Variants in SAMD9L observed in about 807,000 individuals in gnomAD.
The protein encoded by SAMD9L is sterile alpha motif domain containing 9 like, also known as sterile alpha motif domain-containing protein 9-like.
A neutral mutation model predicts 90.7 loss-of-function variants in SAMD9L; 68 were observed. That is an observed-to-expected ratio of 0.75 (90% CI 0.62 to 0.92). The LOEUF (loss-of-function observed/expected upper bound fraction) is 0.92. Among genes scored for constraint, SAMD9L ranks in the 40% least tolerant of loss-of-function variants. The pLI is 0.00. For synonymous variants in SAMD9L, 640 were observed against 630.1 expected, an observed-to-expected ratio of 1.02 and a Z score of -0.23; for missense variants, 1,604 against 1,824.3, an observed-to-expected ratio of 0.88 and a Z score of 2.20.
At position 93,144,743 on chromosome 7, in the gene SAMD9L, C is replaced by T. The variant is rs1792826677; in HGVS notation, c.-32G>A. On this transcript the variant is annotated 5_prime_UTR_variant, in exon 4 of 5. Coordinates refer to ENST00000318238, the MANE Select transcript of SAMD9L (RefSeq NM_152703.5). ...CTGGGCTCACTCACCTCACTGGGCT[C>T]ACTCACTCACTTTCCGTGCCTCCGG... The T allele has an allele frequency of 6.6e-6, 1 of 152,274 alleles. No individual in the cohort carries two copies. Among genetic ancestry groups the T allele is most frequent in the African/African-American group, 2.4e-5 (1 of 41,460 alleles). The allele number at this position is 152,274 out of a possible 1,614,324, so 9.4% of individuals were successfully genotyped here. A position where few individuals can be genotyped will look rare whatever the true frequency, so the allele number is the denominator to read the frequency against.
rs1470827818 is a variant in SAMD9L, at chr7:93,132,793, T to C, written c.3179A>G (p.Glu1060Gly). ...TTCAATGTCTTTATTCTGTAAAGCT[T>C]CCATTAATGGGGAAAACAGAGTGTC... ...ETDTLFSPLM[E>G]ALQNKDIEKV... The change falls in exon 5 of 5, where the codon GAA becomes GGA. Residue 1060 changes from glutamate (E) to glycine (G), a missense_variant. Transcript: ENST00000318238. 1 of 1,613,780 alleles carries C rather than the reference T, an allele frequency of 6.2e-7. No individual in the cohort carries two copies. The highest frequency in any genetic ancestry group is 8.5e-7 in the Non-Finnish European group (1 of 1,179,794).
At chr7:93,136,048 A>T in intron 4 of SAMD9L, 57 bp from the exon 5 acceptor site, 1 of 1,126,972 alleles carries the variant, frequency 8.9e-7, no homozygotes, top group Non-Finnish European at 1.2e-6. Context: ...TTAAAATCAC[A>T]TAGACAATTA....
chr7:93,146,213 C>T (rs1399826435), intron 2 of SAMD9L, among the ~76,000 whole-genome samples, 173 bp from the exon 3 acceptor site: 1 of 152,180 alleles, frequency 6.6e-6, no homozygotes, highest in Non-Finnish European at 1.5e-5. Flanking sequence ...CTGAAGGAAG[C>T]ACCTGCCCCT....
intron 4 of SAMD9L, among the ~76,000 whole-genome samples, chr7:93,138,071 TACTC>T (rs774294445): frequency 2.0e-5 from 3 of 152,160 alleles, no homozygotes; most frequent in Non-Finnish European, 4.4e-5. Context: ...TTCTCTTACT[TACTC>T]TGGCTTCAGT....
chr7:93,144,245 C>A (rs1293937520), intron 4 of SAMD9L, among the ~76,000 whole-genome samples: 1 of 152,124 alleles, frequency 6.6e-6, no homozygotes, highest in Non-Finnish European at 1.5e-5. Flanking sequence ...AATTTTGAAA[C>A]ACAGAGTTCT....
In SAMD9L at chr7:93,131,851, T is replaced by C. The variant is rs753908548; in HGVS notation, c.4121A>G (p.Lys1374Arg). 2 of 1,612,120 alleles carry C rather than the reference T, an allele frequency of 1.2e-6. No homozygotes were observed. ...YAFLLQQNSK[K>R]PMTNEKQNSI... ...ATTTTGTTTCTCATTTGTCATGGGC[T>C]TTTTTGAGTTTTGCTGCAGTAGGAA... The change falls in exon 5 of 5, where the codon AAG becomes AGG. Residue 1374 changes from lysine to arginine, a missense_variant. Around this residue, in one of 7 missense-constraint regions of SAMD9L, gnomAD observed 282 missense variants for 329.6 expected, o/e 0.86. Transcript: ENST00000318238.
intron 3 of SAMD9L, 80 bp downstream of exon 3, chr7:93,145,305 T>C (rs1340593572): frequency 2.6e-5 from 4 of 152,222 alleles, no homozygotes; most frequent in Non-Finnish European, 5.9e-5. Flanking sequence ...CAAAGTTCTG[T>C]TTTACTTTTT....
chr7:93,140,260 T>C lies in SAMD9L; in HGVS notation c.-20-4269A>G, dbSNP rs1246629446. Among the ~76,000 whole-genome samples the C allele has an allele frequency of 6.2e-5, 9 of 146,300 alleles. No homozygotes were observed. The Admixed American group carries it at 6.2e-4, about 10-fold the overall frequency. On this transcript the variant is annotated intron_variant, in intron 4 of 4. Transcript: ENST00000318238. ...GAACAATGGCCCTTCATACTCTGAC[T>C]GGAGCATGCTGGACAATGGCCCTCC...
Position 93,132,666 on chromosome 7 carries a change from A to G in SAMD9L, c.3306T>C (p.Ala1102=), listed in dbSNP as rs1792182480. The change falls in exon 5 of 5, where the codon GCT becomes GCC. Residue 1102 remains alanine (A), a synonymous_variant. Transcript: ENST00000318238. ...TTTTGGCCTGACGTGCCCAGTCCAG[A>G]GCTGTGTTAAAGTCCTTCTCTTTAA... ...FYIKEKDFNT[A]LDWARQAKMK... 1 of 1,613,864 alleles carries G rather than the reference A, an allele frequency of 6.2e-7. No individual in the cohort carries two copies. The highest frequency in any genetic ancestry group is 1.3e-5 in the African/African-American group (1 of 75,010).
rs766185585 is a variant in SAMD9L at position 93,135,186 on chromosome 7, G to A, written c.786C>T (p.Asp262=). The A allele has an allele frequency of 6.2e-7, 1 of 1,613,694 alleles. No individual in the cohort carries two copies. Among genetic ancestry groups the A allele is most frequent in the African/African-American group, 1.3e-5 (1 of 75,028 alleles). ...VKITSKAAFI[D]HFNVMIKKYF... is the part of the protein sequence containing the mutation. ...ACTTTTTGATCATTACATTGAAGTGGTCAATGAAGGCAGCCTTACTGGTGA... is the reference window on the plus strand; with the variant it reads ...ACTTTTTGATCATTACATTGAAGTGATCAATGAAGGCAGCCTTACTGGTGA... The change falls in exon 5 of 5, where the codon GAC becomes GAT. Residue 262 remains aspartate (D), a synonymous_variant. Coordinates refer to ENST00000318238, the MANE Select transcript of SAMD9L (RefSeq NM_152703.5).
At position 93,134,977 on chromosome 7, in the gene SAMD9L, A is replaced by C; in HGVS notation, c.995T>G (p.Ile332Arg). 1 of 1,613,424 alleles carries C rather than the reference A, an allele frequency of 6.2e-7. No individual in the cohort carries two copies. The highest frequency in any genetic ancestry group is 1.1e-5 in the South Asian group (1 of 91,066). Reference sequence around the variant, plus strand: ...TGAAAGATTTTGGTTTTGTTTCCATATTTTATCTTTACAAATTTGCATCTG... The same window carrying C: ...TGAAAGATTTTGGTTTTGTTTCCATCTTTTATCTTTACAAATTTGCATCTG... ...YIQMQICKDK[I>R]WKQNQNLSLF... The change falls in exon 5 of 5, where the codon ATA (isoleucine) becomes AGA (arginine). Residue 332 changes from isoleucine to arginine, a missense_variant. By Grantham distance (97) the Ile-to-Arg change is moderately conservative (BLOSUM62 -3). Around this residue, in one of 7 missense-constraint regions of SAMD9L, gnomAD observed 374 missense variants for 363.6 expected, o/e 1.03. Transcript: ENST00000318238.
At position 93,131,703 on chromosome 7, in the gene SAMD9L, A is replaced by T. The variant is rs2116471707; in HGVS notation, c.4269T>A (p.Tyr1423Ter). ...VLQFVGLSHQ[Y>*]PGPYFLACLL... ...GGCAGGCCAAGAAATAAGGACCTGG[A>T]TATTGATGACTTAGTCCTACAAATT... Residue 1423 changes from tyrosine to a stop codon, truncating the protein, a stop_gained, in exon 5 of 5, where the codon TAT becomes TAA. Coordinates refer to ENST00000318238, the MANE Select transcript of SAMD9L (RefSeq NM_152703.5). LOFTEE classifies it high-confidence loss of function. 6.2e-7 allele frequency: 1 copy of T among 1,613,920 alleles called. No individual in the cohort carries two copies. The highest frequency in any genetic ancestry group is 2.2e-5 in the East Asian group (1 of 44,882).
Position 93,132,450 on chromosome 7 carries a change from GT to G in SAMD9L, c.3521del (p.Asn1174ThrfsTer28), listed in dbSNP as rs1197717436. The part of the protein sequence containing the change: ...KESQRQTDSK[N>X]YETENWSPQK... Reference sequence around the variant, plus strand: ...GTGGTGACCAGTTCTCGGTTTCATAGTTTTTACTATCAGTTTGCCTTTGGGA... The same window carrying G: ...GTGGTGACCAGTTCTCGGTTTCATAGTTTTACTATCAGTTTGCCTTTGGGA... On this transcript the variant is annotated frameshift_variant, in exon 5 of 5. Coordinates refer to ENST00000318238, the MANE Select transcript of SAMD9L (RefSeq NM_152703.5). LOFTEE classifies it high-confidence loss of function. The G allele has an allele frequency of 2.5e-6, 4 of 1,613,498 alleles. No homozygotes were observed. Among genetic ancestry groups the G allele is most frequent in the Non-Finnish European group, 3.4e-6 (4 of 1,179,808 alleles).
rs1393339570 is a variant in SAMD9L, at chr7:93,131,266, A to G, written c.4706T>C (p.Leu1569Pro). ...GRNIERVSFY[L>P]GFSIEGPLAY... ...CAGAGGGCCTTCAATGGAAAATCCTAGGTAGAAAGACACTCTTTCTATGTT... is the reference window on the plus strand; with the variant it reads ...CAGAGGGCCTTCAATGGAAAATCCTGGGTAGAAAGACACTCTTTCTATGTT... The change falls in exon 5 of 5, where the codon CTA (leucine) becomes CCA (proline). Residue 1569 changes from leucine (L) to proline (P), a missense_variant. Leu to Pro is a moderately conservative substitution (Grantham distance 98). Coordinates refer to ENST00000318238, the MANE Select transcript of SAMD9L (RefSeq NM_152703.5). 1 of 1,597,810 alleles carries G rather than the reference A, an allele frequency of 6.3e-7. No individual in the cohort carries two copies. The highest frequency in any genetic ancestry group is 8.5e-7 in the Non-Finnish European group (1 of 1,174,194).
At chr7:93,143,306 C>T (rs1367096059) in intron 4 of SAMD9L, among the ~76,000 whole-genome samples, 1 of 152,088 alleles carries the variant, frequency 6.6e-6, no homozygotes, top group African/African-American at 2.4e-5. Flanking sequence ...GCCCTCCACA[C>T]CCTGACTGGA....
In SAMD9L at chr7:93,131,951, C is replaced by G. The variant is rs777193115; in HGVS notation, c.4021G>C (p.Ala1341Pro). The G allele has an allele frequency of 1.9e-6, 3 of 1,612,776 alleles. No homozygotes were observed. Among genetic ancestry groups the G allele is most frequent in the Non-Finnish European group, 2.5e-6 (3 of 1,179,678 alleles). ...GGATTAAGATATTCCAAGAGTCCAG[C>G]AAACCTATCTGCTCTCAGAGCTTCT... ...KLEALRADRF[A>P]GLLEYLNPNY... The change falls in exon 5 of 5, where the codon GCT becomes CCT. Residue 1341 changes from alanine (A) to proline (P), a missense_variant. Physicochemically the swap from Ala to Pro is conservative, Grantham distance 27. Around this residue, in one of 7 missense-constraint regions of SAMD9L, gnomAD observed 282 missense variants for 329.6 expected, o/e 0.86. Coordinates refer to ENST00000318238, the MANE Select transcript of SAMD9L (RefSeq NM_152703.5).
chr7:93,132,344 T>C lies in SAMD9L; in HGVS notation c.3628A>G (p.Ile1210Val). Residue 1210 changes from isoleucine to valine, a missense_variant, in exon 5 of 5, where the codon ATT becomes GTT. Physicochemically the swap from Ile to Val is conservative, Grantham distance 29. Coordinates refer to ENST00000318238, the MANE Select transcript of SAMD9L (RefSeq NM_152703.5). ...EIEVGLYTIQ[I>V]LQLTPFFHKE... is the part of the protein sequence containing the mutation. Reference sequence around the variant, plus strand: ...TGGAAAAAGGGAGTGAGCTGAAGAATCTGGATAGTGTAAAGACCAACTTCT... The same window carrying C: ...TGGAAAAAGGGAGTGAGCTGAAGAACCTGGATAGTGTAAAGACCAACTTCT... 1 of 1,613,910 alleles carries C rather than the reference T, an allele frequency of 6.2e-7. No individual in the cohort carries two copies. Among genetic ancestry groups the C allele is most frequent in the African/African-American group, 1.3e-5 (1 of 75,030 alleles).
At chr7:93,138,673 G>A (rs988498756) in intron 4 of SAMD9L, among the ~76,000 whole-genome samples, 4 of 152,186 alleles carry the variant, frequency 2.6e-5, no homozygotes, top group South Asian at 4.1e-4. Context: ...GGCCCCTTTA[G>A]TGGGTCTAAG....
Position 93,135,067 on chromosome 7 carries a change from C to G in SAMD9L, c.905G>C (p.Arg302Thr), listed in dbSNP as rs768125500. 2 of 1,613,136 alleles carry G rather than the reference C, an allele frequency of 1.2e-6. No individual in the cohort carries two copies. The highest frequency in any genetic ancestry group is 1.7e-6 in the Non-Finnish European group (2 of 1,179,672). ...AATAGTATCAACTTCAATGACAAAT[C>G]TGTCAGATGGTGTATTGTTCTGCAG... ...VLLQNNTPSD[R>T]FVIEVDTIPK... The change falls in exon 5 of 5, where the codon AGA becomes ACA. Residue 302 changes from arginine (R) to threonine (T), a missense_variant. Arg to Thr is a moderately conservative substitution (Grantham distance 71). Coordinates refer to ENST00000318238, the MANE Select transcript of SAMD9L (RefSeq NM_152703.5).
Sources: gnomAD v4.1 joint callset for allele counts (sites outside exome capture counted in the v4.1 genomes callset) on GRCh38, gnomAD v4.1.1 for gene constraint, gnomAD v4.1.1 regional missense constraint, MANE v1.5 for transcripts, NCBI Gene and HGNC (gene_info 2026-07-23, HGNC 2026-07-21) for gene names.